Variants in CAPN3 observed in about 807,000 individuals in gnomAD.
The protein encoded by CAPN3 is calpain 3.
A neutral mutation model predicts 114.0 loss-of-function variants in CAPN3; 88 were observed. That is an observed-to-expected ratio of 0.77 (90% CI 0.65 to 0.92). CAPN3 has a LOEUF of 0.92. Among genes scored for constraint, CAPN3 ranks in the 40% least tolerant of loss-of-function variants. The probability of loss-of-function intolerance (pLI) is 0.00; values close to 1 mark genes in which losing one functional copy is unlikely to be tolerated. For synonymous variants in CAPN3, 386 were observed against 382.9 expected (o/e 1.01, Z -0.09); for missense variants, 1,028 against 1,069.0 (o/e 0.96, Z 0.53).
chr15:42,400,844 G>T (rs577414588), intron 10 of CAPN3, among the ~76,000 whole-genome samples: 2 of 152,062 alleles, frequency 1.3e-5, no homozygotes, highest in East Asian at 3.9e-4. Flanking sequence ...CATCGGATGC[G>T]CATATTAGAT....
chr15:42,376,826 C>T (rs935926374), intron 1 of CAPN3, among the ~76,000 whole-genome samples: 37 of 152,274 alleles, frequency 2.4e-4, no homozygotes, highest in Admixed American at 2.0e-3. Context: ...GTATAACCAT[C>T]TCACATATCT....
chr15:42,384,987 C>G (rs1016428648), intron 2 of CAPN3, among the ~76,000 whole-genome samples: 1 of 152,238 alleles, frequency 6.6e-6, no homozygotes, highest in Non-Finnish European at 1.5e-5. Flanking sequence ...GTTTAAATTG[C>G]CCCAGCATAG....
rs142246404 is a variant in CAPN3 at position 42,408,099 on chromosome 15, A to G, written c.1801-112A>G. The G allele has an allele frequency of 2.7e-4, 198 of 723,304 alleles. No individual in the cohort carries two copies. The African/African-American group carries it at 3.2e-3, about 12-fold the overall frequency. 44.8% of individuals were successfully genotyped at this position (723,304 alleles called of 1,614,324 possible). ...AACCGAGGTTGAAGAGCTCCCGCCT[A>G]TTCCTTTCCTCTTCTCACTGGATAA... On this transcript the variant is annotated intron_variant, in intron 15 of 23. Coordinates refer to ENST00000397163, the MANE Select transcript of CAPN3 (RefSeq NM_000070.3).
Position 42,389,955 on chromosome 15 carries a change from T to C in CAPN3, c.804T>C (p.Asp268=). 2 of 1,614,128 alleles carry C rather than the reference T, an allele frequency of 1.2e-6. No homozygotes were observed. Among genetic ancestry groups the C allele is most frequent in the South Asian group, 2.2e-5 (2 of 91,076 alleles). ...CTACATTCTCCATCGGGCCTCAGGATGGCACGAACATGACCTATGGAACCT... is the reference window on the plus strand; with the variant it reads ...CTACATTCTCCATCGGGCCTCAGGACGGCACGAACATGACCTATGGAACCT... The part of the protein sequence containing the change: ...RGSLMGCSID[D]GTNMTYGTSP... Residue 268 remains aspartate, a splice_region_variant and synonymous_variant, in exon 6 of 24, where the codon GAT becomes GAC. Transcript: ENST00000397163.
intron 8 of CAPN3, among the ~76,000 whole-genome samples, chr15:42,396,347 A>G (rs956485011): frequency 6.7e-6 from 1 of 149,582 alleles, no homozygotes; most frequent in Non-Finnish European, 1.5e-5. Flanking sequence ...GGTTCAAGTG[A>G]TTCTTCTGCC....
intron 23 of CAPN3, 64 bp from the exon 24 acceptor site, chr15:42,411,683 T>A: frequency 2.2e-6 from 1 of 464,288 alleles, no homozygotes; most frequent in Non-Finnish European, 3.2e-6. Flanking sequence ...GTAAGATTCC[T>A]AGGGCGGGGG....
intron 1 of CAPN3, among the ~76,000 whole-genome samples, chr15:42,366,221 G>T (rs2141115633): frequency 6.6e-6 from 1 of 152,298 alleles, no homozygotes; most frequent in Middle Eastern, 3.4e-3. Context: ...ATAAGACAAA[G>T]AGTCCCTTCC....
chr15:42,409,049 G>C, intron 16 of CAPN3: 2 of 538,980 alleles, frequency 3.7e-6, no homozygotes, highest in Non-Finnish European at 3.4e-6. Flanking sequence ...GTGGGGACTG[G>C]GGTGGCGGGG....
chr15:42,360,157 A>G, intron 1 of CAPN3, 43 bp downstream of exon 1: 1 of 1,612,658 alleles, frequency 6.2e-7, no homozygotes, highest in Non-Finnish European at 8.5e-7. Flanking sequence ...CCCCCCACGG[A>G]GGAGTCCTCT....
At chr15:42,378,653 C>G (rs1243458352) in intron 1 of CAPN3, among the ~76,000 whole-genome samples, 1 of 151,944 alleles carries the variant, frequency 6.6e-6, no homozygotes, top group African/African-American at 2.4e-5. Context: ...CATTTCTGCT[C>G]TGATTTTTTA....
chr15:42,389,603 T>C (rs2053497732), intron 5 of CAPN3, among the ~76,000 whole-genome samples: 1 of 152,194 alleles, frequency 6.6e-6, no homozygotes, highest in Non-Finnish European at 1.5e-5. Flanking sequence ...TGGCCGCCCA[T>C]GGCCAGGCCT....
rs774754175 is a variant in CAPN3 at position 42,399,552 on chromosome 15, C to T, written c.1254C>T (p.Ala418=). Residue 418 remains alanine (A), a synonymous_variant, in exon 10 of 24, where the codon GCC becomes GCT. Coordinates refer to ENST00000397163, the MANE Select transcript of CAPN3 (RefSeq NM_000070.3). ...AGTTGGAGATCTGCAACCTCACGGC[C>T]GATGCTCTGCAGTCTGACAAGCTTC... ...FTKLEICNLT[A]DALQSDKLQT... 4 of 1,613,518 alleles carry T rather than the reference C, an allele frequency of 2.5e-6. No individual in the cohort carries two copies. Among genetic ancestry groups the T allele is most frequent in the African/African-American group, 2.7e-5 (2 of 74,876 alleles).
intron 23 of CAPN3, 135 bp from the exon 24 acceptor site, chr15:42,411,612 G>A (rs751434483): frequency 1.3e-6 from 1 of 755,856 alleles, no homozygotes; most frequent in Non-Finnish European, 2.4e-6. Flanking sequence ...GTAAGCCACT[G>A]CTTCTTGGAA....
At chr15:42,366,885 G>A (rs2052798871) in intron 1 of CAPN3, among the ~76,000 whole-genome samples, 1 of 145,584 alleles carries the variant, frequency 6.9e-6, no homozygotes, top group African/African-American at 2.6e-5. Flanking sequence ...CCAGGCTGGA[G>A]TGCAGTGTCT....
chr15:42,401,537 G>A, intron 10 of CAPN3, 104 bp from the exon 11 acceptor site: 1 of 701,320 alleles, frequency 1.4e-6, no homozygotes. Context: ...TATTTCCTAA[G>A]CACCTAGATG....
chr15:42,403,426 G>A (rs1347323731), intron 13 of CAPN3, among the ~76,000 whole-genome samples: 3 of 152,130 alleles, frequency 2.0e-5, no homozygotes, highest in Non-Finnish European at 4.4e-5. Context: ...CCTGTCCCTG[G>A]CCACCACAGA....
intron 14 of CAPN3, chr15:42,404,208 C>A: frequency 2.2e-6 from 1 of 457,606 alleles, no homozygotes; most frequent in Non-Finnish European, 4.4e-6. Context: ...TGGACAATTT[C>A]TGTAATCCCT....
At chr15:42,404,146 G>A (rs534195013) in intron 14 of CAPN3, 90 of 465,058 alleles carry the variant, frequency 1.9e-4, no homozygotes, top group Middle Eastern at 9.6e-4. Flanking sequence ...AAGTAAGCTG[G>A]TGCCGGACCT....
chr15:42,385,882 T>C (rs2053389122), intron 2 of CAPN3: 1 of 640,028 alleles, frequency 1.6e-6, no homozygotes, highest in Non-Finnish European at 3.0e-6. Context: ...CATTGAGGCC[T>C]AAAAAGGAAG....
Sources: gnomAD v4.1 joint callset for allele counts (sites outside exome capture counted in the v4.1 genomes callset) on GRCh38, gnomAD v4.1.1 for gene constraint, MANE v1.5 for transcripts, NCBI Gene and HGNC (gene_info 2026-07-23, HGNC 2026-07-21) for gene names.